The following CLNK variants were observed in gnomAD, a reference collection of about 807,000 sequenced individuals.
CLNK encodes the protein cytokine-dependent hematopoietic cell linker.
Under a neutral mutation model 68.6 loss-of-function variants are expected in CLNK, and 74 were observed. The observed-to-expected ratio is 1.08, with a 90% CI of 0.89 to 1.31. The LOEUF is 1.31. CLNK is among the 50% of genes most tolerant of loss of function. CLNK has a pLI of 0.00. For synonymous variants in CLNK, 198 were observed against 172.2 expected (o/e 1.15, Z -1.17); for missense variants, 553 against 515.3 (o/e 1.07, Z -0.71).
intron 2 of CLNK, among the ~76,000 whole-genome samples, chr4:10,644,670 A>G (rs1002841802): frequency 8.5e-5 from 13 of 152,354 alleles, no homozygotes; most frequent in African/African-American, 3.1e-4. Flanking sequence ...TGAATGCAAT[A>G]TTTAAAAAAT....
chr4:10,547,013 TATTAACCC>T (rs1274586924), intron 8 of CLNK, among the ~76,000 whole-genome samples: 1 of 152,162 alleles, frequency 6.6e-6, no homozygotes, highest in Non-Finnish European at 1.5e-5. Context: ...TCCATTCATC[TATTAACCC>T]ATTAACCCAT....
intron 2 of CLNK, among the ~76,000 whole-genome samples, chr4:10,601,964 A>G (rs1424709473): frequency 6.6e-6 from 1 of 152,220 alleles, no homozygotes; most frequent in African/African-American, 2.4e-5. Context: ...GAGGTACAGA[A>G]CATCAGTGGG....
At chr4:10,541,996 A>G (rs1479345735) in intron 10 of CLNK, 26 bp downstream of exon 10, 2 of 1,532,164 alleles carry the variant, frequency 1.3e-6, no homozygotes, top group East Asian at 2.3e-5. Flanking sequence ...TATAGCGAAA[A>G]AAAATGCTAT....
At chr4:10,659,445 C>T (rs1036723656) in intron 2 of CLNK, among the ~76,000 whole-genome samples, 2 of 152,216 alleles carry the variant, frequency 1.3e-5, no homozygotes, top group African/African-American at 2.4e-5. Flanking sequence ...TAAAATGTCA[C>T]GGCTCTGTTG....
At chr4:10,729,661 G>A in the CLNK span, among the ~76,000 whole-genome samples, 57 of 152,176 alleles carry the variant, frequency 3.7e-4, no homozygotes, top group Non-Finnish European at 4.1e-4. Context: ...ATTATCTCAA[G>A]TGAAACAATC....
At chr4:10,609,652 T>G (rs928517083) in intron 2 of CLNK, among the ~76,000 whole-genome samples, 4 of 152,194 alleles carry the variant, frequency 2.6e-5, no homozygotes, top group Non-Finnish European at 5.9e-5. Context: ...AACTAATTCT[T>G]GTTTACTGAG....
intron 18 of CLNK, among the ~76,000 whole-genome samples, chr4:10,497,402 T>C (rs1004433265): frequency 6.6e-6 from 1 of 152,082 alleles, no homozygotes; most frequent in Non-Finnish European, 1.5e-5. Context: ...GTTCAACACA[T>C]GTATGGGAAA....
chr4:10,509,270 G>T (rs1375463203), intron 16 of CLNK, among the ~76,000 whole-genome samples: 1 of 152,114 alleles, frequency 6.6e-6, no homozygotes, highest in Non-Finnish European at 1.5e-5. Context: ...CACATGATGT[G>T]ATGGACACCA....
intron 3 of CLNK, among the ~76,000 whole-genome samples, chr4:10,597,081 C>T (rs999175038): frequency 3.3e-5 from 5 of 152,240 alleles, no homozygotes; most frequent in African/African-American, 1.2e-4. Context: ...AGCATTCATT[C>T]ACTCTGCTTA....
intron 2 of CLNK, among the ~76,000 whole-genome samples, chr4:10,660,936 C>T (rs1003190420): frequency 2.0e-5 from 3 of 152,182 alleles, no homozygotes; most frequent in Non-Finnish European, 4.4e-5. Flanking sequence ...ACCTATATGA[C>T]TTTGATAGCA....
intron 3 of CLNK, among the ~76,000 whole-genome samples, chr4:10,592,003 A>G (rs1286707637): frequency 6.6e-6 from 1 of 152,210 alleles, no homozygotes; most frequent in Non-Finnish European, 1.5e-5. Context: ...TCATACACCC[A>G]AGACCCTCTT....
intron 2 of CLNK, among the ~76,000 whole-genome samples, chr4:10,606,895 A>G (rs1046262156): frequency 3.3e-5 from 5 of 152,082 alleles, no homozygotes; most frequent in African/African-American, 1.2e-4. Context: ...GATACAGGAG[A>G]AAAAAAATGT....
At chr4:10,565,358 T>G (rs1363356165) in intron 6 of CLNK, among the ~76,000 whole-genome samples, 2 of 152,244 alleles carry the variant, frequency 1.3e-5, no homozygotes, top group Non-Finnish European at 2.9e-5. Flanking sequence ...AGATTCACTT[T>G]AGTGGTTCAG....
chr4:10,708,553 A>T, the CLNK span, among the ~76,000 whole-genome samples: 1 of 152,184 alleles, frequency 6.6e-6, no homozygotes. Context: ...CACCCACAGA[A>T]ATAAGCACAA....
chr4:10,655,590 T>C (rs553485995), intron 2 of CLNK, among the ~76,000 whole-genome samples: 1 of 151,446 alleles, frequency 6.6e-6, no homozygotes, highest in African/African-American at 2.4e-5. Context: ...AAAACTTGGT[T>C]TACGACAGAG....
chr4:10,506,788 C>A (rs886143603), intron 17 of CLNK, among the ~76,000 whole-genome samples: 3 of 152,132 alleles, frequency 2.0e-5, no homozygotes, highest in Admixed American at 6.5e-5. Flanking sequence ...AGCCTCAGGC[C>A]TGAAACTCTC....
intron 1 of CLNK, among the ~76,000 whole-genome samples, chr4:10,669,704 A>G (rs1724550888): frequency 6.6e-6 from 1 of 152,130 alleles, no homozygotes; most frequent in Non-Finnish European, 1.5e-5. Context: ...AACTTGAACC[A>G]AGCTCTATGT....
At chr4:10,694,388 C>T in the CLNK span, among the ~76,000 whole-genome samples, 2 of 152,028 alleles carry the variant, frequency 1.3e-5, no homozygotes, top group African/African-American at 4.8e-5. Flanking sequence ...CACAGTCATG[C>T]ACTGCCTAAG....
intron 3 of CLNK, among the ~76,000 whole-genome samples, chr4:10,586,692 A>T (rs1720982992): frequency 6.6e-6 from 1 of 152,238 alleles, no homozygotes. Context: ...TTTGTTGCAT[A>T]TTACTCAGTA....
Sources: gnomAD v4.1 joint callset for allele counts (sites outside exome capture counted in the v4.1 genomes callset) on GRCh38, gnomAD v4.1.1 for gene constraint, MANE v1.5 for transcripts, NCBI Gene and HGNC (gene_info 2026-07-23, HGNC 2026-07-21) for gene names.